The following MICU1 variants were observed in gnomAD, a reference collection of about 807,000 sequenced individuals.
MICU1 encodes the protein calcium uptake protein 1, mitochondrial.
MICU1 carries 45 observed loss-of-function variants against 56.8 expected under a neutral mutation model. That is an observed-to-expected ratio of 0.79 (90% CI 0.62 to 1.02). MICU1 has a LOEUF of 1.02. Among genes scored for constraint, MICU1 ranks in the 50% least tolerant of loss-of-function variants. The pLI, the probability that MICU1 is intolerant of heterozygous loss-of-function variation, is 0.00. For synonymous variants in MICU1, 186 were observed against 195.1 expected (o/e 0.95, Z 0.39); for missense variants, 504 against 587.1 (o/e 0.86, Z 1.46).
intron 4 of MICU1, among the ~76,000 whole-genome samples, chr10:72,536,136 G>C (rs965964542): frequency 4.6e-5 from 7 of 152,056 alleles, no homozygotes; most frequent in African/African-American, 1.7e-4. Flanking sequence ...ACAAGTTCTA[G>C]TGTTCTATAG....
chr10:72,532,754 G>T, intron 5 of MICU1: 1 of 554,514 alleles, frequency 1.8e-6, no homozygotes, highest in Non-Finnish European at 2.3e-6. Flanking sequence ...GGCATTTTAA[G>T]GCACTGTGCC....
chr10:72,417,525 G>A (rs1370562830), intron 9 of MICU1, among the ~76,000 whole-genome samples: 3 of 151,844 alleles, frequency 2.0e-5, no homozygotes, highest in Admixed American at 6.6e-5. Context: ...ACCTGGCTTA[G>A]TGTCTTGCAC....
chr10:72,525,191 T>G (rs2132392684), intron 5 of MICU1, among the ~76,000 whole-genome samples: 1 of 125,282 alleles, frequency 8.0e-6, no homozygotes, highest in East Asian at 1.9e-4. Context: ...GGCTGGCATT[T>G]GGACAAGCAG....
chr10:72,423,144 A>C, intron 9 of MICU1, 90 bp downstream of exon 9: 1 of 1,494,464 alleles, frequency 6.7e-7, no homozygotes, highest in Non-Finnish European at 9.0e-7. Flanking sequence ...GGTTCATGAA[A>C]TACTCTCATC....
intron 6 of MICU1, among the ~76,000 whole-genome samples, chr10:72,478,921 C>T (rs1866204081): frequency 6.6e-6 from 1 of 152,204 alleles, no homozygotes; most frequent in Admixed American, 6.5e-5. Context: ...AGGTGTGAGC[C>T]ACCATGACCC....
At chr10:72,438,788 T>C (rs2132175774) in intron 8 of MICU1, among the ~76,000 whole-genome samples, 1 of 152,202 alleles carries the variant, frequency 6.6e-6, no homozygotes, top group African/African-American at 2.4e-5. Context: ...ACAAATAAAC[T>C]AGAAAATCTA....
intron 4 of MICU1, among the ~76,000 whole-genome samples, chr10:72,550,046 C>T (rs1174042695): frequency 6.6e-6 from 1 of 152,052 alleles, no homozygotes; most frequent in Admixed American, 6.5e-5. Flanking sequence ...GTGGCGGTCC[C>T]ATAAGATTAT....
chr10:72,422,147 A>G (rs1181631312), intron 9 of MICU1, among the ~76,000 whole-genome samples: 1 of 152,192 alleles, frequency 6.6e-6, no homozygotes, highest in Non-Finnish European at 1.5e-5. Context: ...ATGAGGTCAC[A>G]AGGGTGGGGC....
chr10:72,596,310 T>C (rs1385174673), intron 1 of MICU1, among the ~76,000 whole-genome samples: 4 of 151,896 alleles, frequency 2.6e-5, no homozygotes, highest in Admixed American at 1.3e-4. Context: ...TGGTAGTACA[T>C]ACCTGTAATC....
intron 3 of MICU1, among the ~76,000 whole-genome samples, chr10:72,562,108 A>G (rs979068552): frequency 1.6e-4 from 24 of 151,372 alleles, no homozygotes; most frequent in Non-Finnish European, 3.2e-4. Flanking sequence ...TCGCTGAGGC[A>G]AAGCTACATA....
chr10:72,413,521 T>C (rs1458182621), intron 9 of MICU1, among the ~76,000 whole-genome samples: 1 of 151,984 alleles, frequency 6.6e-6, no homozygotes, highest in Admixed American at 6.5e-5. Context: ...TCACCTGAGG[T>C]TGGATGTTCG....
chr10:72,418,458 T>G (rs961713585), intron 9 of MICU1, among the ~76,000 whole-genome samples: 7 of 152,182 alleles, frequency 4.6e-5, no homozygotes, highest in African/African-American at 1.7e-4. Context: ...AGACAAGATC[T>G]GGAATAGGAA....
chr10:72,451,301 G>C (rs1254141610), intron 8 of MICU1, among the ~76,000 whole-genome samples: 1 of 152,154 alleles, frequency 6.6e-6, no homozygotes, highest in Non-Finnish European at 1.5e-5. Flanking sequence ...GGGATTACAG[G>C]TGTGAGCCAC....
chr10:72,521,434 T>C (rs1867818657), intron 5 of MICU1, among the ~76,000 whole-genome samples: 1 of 152,126 alleles, frequency 6.6e-6, no homozygotes, highest in Non-Finnish European at 1.5e-5. Context: ...TGCAAGTATA[T>C]GAATTGGAAG....
intron 1 of MICU1, among the ~76,000 whole-genome samples, chr10:72,609,044 T>C (rs1350853175): frequency 2.0e-5 from 3 of 152,202 alleles, no homozygotes; most frequent in South Asian, 2.1e-4. Context: ...ACAGTATATA[T>C]ACACAATGGA....
intron 8 of MICU1, among the ~76,000 whole-genome samples, chr10:72,440,362 C>A (rs1864879550): frequency 6.6e-6 from 1 of 152,182 alleles, no homozygotes; most frequent in Non-Finnish European, 1.5e-5. Flanking sequence ...AAGGCTGAAA[C>A]TGGATCCCTT....
At chr10:72,592,209 A>G (rs767556489) in intron 1 of MICU1, among the ~76,000 whole-genome samples, 20 of 151,694 alleles carry the variant, frequency 1.3e-4, no homozygotes, top group Non-Finnish European at 2.7e-4. Flanking sequence ...GGGGTTTCAC[A>G]TGTTGGTCAG....
chr10:72,605,837 A>G lies in MICU1; in HGVS notation c.-2+20173T>C, dbSNP rs1331713947. Among the ~76,000 whole-genome samples, 3 of 152,208 alleles carry G rather than the reference A, an allele frequency of 2.0e-5. No individual in the cohort carries two copies. In the East Asian group the frequency reaches 5.8e-4, roughly 29 times the overall value. On this transcript the variant is annotated intron_variant, in intron 1 of 11. Transcript: ENST00000361114. ...GGAACTACTGTATAATTTAAGTAATATAATTTTCACTGGCTGGGCGTGGTG... is the reference window on the plus strand; with the variant it reads ...GGAACTACTGTATAATTTAAGTAATGTAATTTTCACTGGCTGGGCGTGGTG...
At chr10:72,487,172 A>G (rs1478763652) in intron 6 of MICU1, among the ~76,000 whole-genome samples, 1 of 152,196 alleles carries the variant, frequency 6.6e-6, no homozygotes, top group Non-Finnish European at 1.5e-5. Context: ...CAGACCATCC[A>G]TATCAATTTG....
Sources: allele counts gnomAD v4.1 joint callset (sites outside exome capture counted in the v4.1 genomes callset), GRCh38; gene constraint gnomAD v4.1.1; transcripts MANE v1.5; gene names NCBI Gene and HGNC (gene_info 2026-07-23, HGNC 2026-07-21).